TACR1: variants seen among roughly 807,000 people sequenced by gnomAD.
TACR1 encodes tachykinin receptor 1.
A neutral mutation model predicts 35.8 loss-of-function variants in TACR1; 25 were observed. The observed-to-expected ratio is 0.70, with a 90% CI of 0.51 to 0.98. TACR1 has a LOEUF of 0.98. TACR1 is among the 50% of genes least tolerant of loss of function. The pLI, the probability that TACR1 is intolerant of heterozygous loss-of-function variation, is 0.00. For synonymous variants in TACR1, 195 were observed against 206.7 expected (o/e 0.94, Z 0.48); for missense variants, 478 against 522.9 (o/e 0.91, Z 0.84).
chr2:75,049,690 GCACC>G lies in TACR1; in HGVS notation c.962_965del (p.Arg321ProfsTer15). 6.2e-7 allele frequency: 1 copy of G among 1,614,008 alleles called. No individual in the cohort carries two copies. The highest frequency in any genetic ancestry group is 8.5e-7 in the Non-Finnish European group (1 of 1,179,950). ...AGTCGCCGGCGCTGATGAAGGGGCA[GCACC>G]GGAAGGCATGCTTGAAGCCCAGACG... On this transcript the variant is annotated frameshift_variant, in exon 5 of 5. Transcript: ENST00000305249. LOFTEE classifies it high-confidence loss of function.
At chr2:75,093,388 C>G (rs1673346090) in intron 2 of TACR1, among the ~76,000 whole-genome samples, 2 of 152,202 alleles carry the variant, frequency 1.3e-5, no homozygotes, top group Non-Finnish European at 2.9e-5. Flanking sequence ...AAGCCTTGCT[C>G]TCTTAGCTAG....
intron 2 of TACR1, among the ~76,000 whole-genome samples, chr2:75,097,228 T>C (rs3755461): frequency 0.52 from 78,784 of 152,036 alleles, 21,263 homozygotes; most frequent in Non-Finnish European, 0.56. Context: ...CAAATAAAGA[T>C]AGCGAAGTGT....
At chr2:75,138,954 C>G (rs905585108) in intron 1 of TACR1, among the ~76,000 whole-genome samples, 3 of 151,938 alleles carry the variant, frequency 2.0e-5, no homozygotes, top group Admixed American at 6.6e-5. Context: ...TGTGGTAAGT[C>G]CTATGAAAAA....
intron 2 of TACR1, among the ~76,000 whole-genome samples, chr2:75,092,975 A>C (rs1322397294): frequency 6.6e-6 from 1 of 152,222 alleles, no homozygotes; most frequent in Non-Finnish European, 1.5e-5. Context: ...ATCTACAGGA[A>C]AAGTTATTTT....
At chr2:75,056,381 C>T (rs6546951) in intron 2 of TACR1, among the ~76,000 whole-genome samples, 39,014 of 152,102 alleles carry the variant, frequency 0.26, 6,812 homozygotes, top group African/African-American at 0.49. Flanking sequence ...ACTATTTTCC[C>T]GCCCTAATCA....
At chr2:75,153,181 G>A (rs1400305514) in intron 1 of TACR1, among the ~76,000 whole-genome samples, 1 of 152,196 alleles carries the variant, frequency 6.6e-6, no homozygotes, top group Non-Finnish European at 1.5e-5. Context: ...GATTACAGGC[G>A]TGAGCCACTG....
intron 2 of TACR1, among the ~76,000 whole-genome samples, chr2:75,068,383 A>G (rs768599): frequency 0.25 from 37,732 of 152,084 alleles, 6,010 homozygotes; most frequent in African/African-American, 0.42. Flanking sequence ...GTTTACAGAT[A>G]CCTTCACAGC....
At chr2:75,166,048 C>G (rs560409676) in intron 1 of TACR1, among the ~76,000 whole-genome samples, 1 of 152,224 alleles carries the variant, frequency 6.6e-6, no homozygotes, top group Non-Finnish European at 1.5e-5. Context: ...TAAAGGGATA[C>G]TTTTCCCCTC....
chr2:75,069,312 A>G (rs1283954529), intron 2 of TACR1, among the ~76,000 whole-genome samples: 2 of 138,424 alleles, frequency 1.4e-5, no homozygotes, highest in Non-Finnish European at 1.5e-5. Context: ...ATATATGTAT[A>G]TGTATATCTA....
At chr2:75,051,484 A>C in intron 3 of TACR1, 37 bp from the exon 4 acceptor site, 2 of 1,610,926 alleles carry the variant, frequency 1.2e-6, no homozygotes, top group African/African-American at 2.7e-5. Context: ...CCACCAGCAC[A>C]TCCCCCTCTC....
intron 2 of TACR1, among the ~76,000 whole-genome samples, chr2:75,104,241 A>T (rs1673597203): frequency 6.6e-6 from 1 of 152,078 alleles, no homozygotes; most frequent in South Asian, 2.1e-4. Context: ...CAAACAAAAA[A>T]TGAGCAGGTG....
In TACR1 at chr2:75,154,501, C is replaced by CACACACACACACACACAG. The variant is rs1457076749; in HGVS notation, c.390-33734_390-33733insCTGTGTGTGTGTGTGTGT. ...AGCACTAACCCACCACACACACACA[C>CACACACACACACACACAG]ACACACACACACACACACACACACA... On this transcript the variant is annotated intron_variant, in intron 1 of 4. Coordinates refer to ENST00000305249, the MANE Select transcript of TACR1 (RefSeq NM_001058.4). The CACACACACACACACACAG allele has an allele frequency of 5.2e-4, 68 of 129,844 alleles. 3 individuals are homozygous for CACACACACACACACACAG. The highest frequency in any genetic ancestry group is 2.1e-3 in the African/African-American group (63 of 30,598). 8.0% of individuals were successfully genotyped at this position (129,844 alleles called of 1,614,324 possible).
intron 1 of TACR1, among the ~76,000 whole-genome samples, chr2:75,141,846 C>G (rs1674414521): frequency 6.6e-6 from 1 of 152,164 alleles, no homozygotes; most frequent in South Asian, 2.1e-4. Context: ...AGTAGACTCT[C>G]TCTGGTTTCC....
At position 75,094,859 on chromosome 2, in the gene TACR1, A is replaced by ATATATATATATATT; in HGVS notation, c.584+25714_584+25715insAATATATATATATA. ...GAAACATATATATATATATATATAT[A>ATATATATATATATT]TTTTTTTTTTTTTTGCCCAAGATGG... On this transcript the variant is annotated intron_variant, in intron 2 of 4. Transcript: ENST00000305249. 3.0e-3 allele frequency among the ~76,000 whole-genome samples: 342 copies of ATATATATATATATT among 113,032 alleles called. 6 individuals are homozygous for ATATATATATATATT. Among genetic ancestry groups the ATATATATATATATT allele is most frequent in the African/African-American group, 0.012 (245 of 20,802 alleles). The allele number at this position is 113,032 out of a possible 152,430, so 74.2% of individuals were successfully genotyped here.
At chr2:75,161,804 TA>T (rs1354146190) in intron 1 of TACR1, among the ~76,000 whole-genome samples, 2 of 151,940 alleles carry the variant, frequency 1.3e-5, no homozygotes, top group African/African-American at 4.8e-5. Flanking sequence ...ATGGACTTCC[TA>T]AAAAAACTAT....
chr2:75,076,231 G>A (rs926216875), intron 2 of TACR1, among the ~76,000 whole-genome samples: 1 of 152,208 alleles, frequency 6.6e-6, no homozygotes. Context: ...CCTGGAAAAA[G>A]CCTTGTCACA....
intron 1 of TACR1, chr2:75,190,046 A>G (rs1234313840): frequency 3.3e-5 from 5 of 152,232 alleles, no homozygotes; most frequent in African/African-American, 1.2e-4. Context: ...AGGCAAATGA[A>G]TGTTTCATAC....
At chr2:75,086,088 A>G (rs74929065) in intron 2 of TACR1, among the ~76,000 whole-genome samples, 4,013 of 152,316 alleles carry the variant, frequency 0.026, 85 homozygotes, top group Middle Eastern at 0.061. Flanking sequence ...GGCTGTAACA[A>G]GGTCATCTTA....
intron 1 of TACR1, among the ~76,000 whole-genome samples, chr2:75,182,483 T>C (rs1017539642): frequency 2.0e-5 from 3 of 152,218 alleles, no homozygotes; most frequent in Admixed American, 1.3e-4. Flanking sequence ...TGAATTTTCA[T>C]ATACAGCCAT....
Sources: allele counts gnomAD v4.1 joint callset (sites outside exome capture counted in the v4.1 genomes callset), GRCh38; gene constraint gnomAD v4.1.1; transcripts MANE v1.5; gene names NCBI Gene and HGNC (gene_info 2026-07-23, HGNC 2026-07-21).